Variants in EML6 observed in about 807,000 individuals in gnomAD.
EML6 encodes EMAP like 6.
A neutral mutation model predicts 240.1 loss-of-function variants in EML6; 154 were observed. The observed-to-expected ratio is 0.64, with a 90% CI of 0.56 to 0.73. The LOEUF (loss-of-function observed/expected upper bound fraction) is 0.73, where lower values mean the gene tolerates loss of function less well. Ranked by LOEUF, EML6 falls within the 30% of genes least tolerant of loss-of-function variation. The pLI is 0.00. For synonymous variants in EML6, 1,148 were observed against 899.0 expected (o/e 1.28, Z -4.95); for missense variants, 2,964 against 2,474.6 (o/e 1.20, Z -4.20).
At chr2:54,950,219 G>A (rs1211092026) in intron 29 of EML6, among the ~76,000 whole-genome samples, 1 of 152,206 alleles carries the variant, frequency 6.6e-6, no homozygotes, top group Non-Finnish European at 1.5e-5. Context: ...CATGGCCTTT[G>A]ACTCTATGTT....
intron 15 of EML6, among the ~76,000 whole-genome samples, chr2:54,870,585 T>G (rs1671206283): frequency 6.6e-6 from 1 of 152,252 alleles, no homozygotes; most frequent in Admixed American, 6.5e-5. Flanking sequence ...TAATTGATCA[T>G]TGCTTTGCTT....
chr2:54,883,835 C>T (rs948703799), intron 17 of EML6, among the ~76,000 whole-genome samples: 3 of 152,170 alleles, frequency 2.0e-5, no homozygotes, highest in Non-Finnish European at 4.4e-5. Flanking sequence ...TATATATTGA[C>T]ATTAGCTAAA....
chr2:54,898,143 A>G (rs1415611281), intron 21 of EML6, among the ~76,000 whole-genome samples: 1 of 152,034 alleles, frequency 6.6e-6, no homozygotes. Flanking sequence ...ACAGCTGTTT[A>G]TGATCAGCTT....
At chr2:54,970,050 C>T in intron 41 of EML6, 21 bp from the exon 42 acceptor site, 1 of 1,551,620 alleles carries the variant, frequency 6.4e-7, no homozygotes. Flanking sequence ...TGCAAAATGA[C>T]TGTTTGATCT....
intron 16 of EML6, among the ~76,000 whole-genome samples, chr2:54,872,429 T>C (rs1671303694): frequency 6.6e-6 from 1 of 152,198 alleles, no homozygotes; most frequent in African/African-American, 2.4e-5. Context: ...CTGATTGTTC[T>C]CCCCTGTCCC....
chr2:54,931,647 A>G (rs945587655), intron 28 of EML6, among the ~76,000 whole-genome samples: 1 of 152,204 alleles, frequency 6.6e-6, no homozygotes, highest in Non-Finnish European at 1.5e-5. Context: ...ATACCTGCAG[A>G]TAATTCTGTA....
intron 13 of EML6, among the ~76,000 whole-genome samples, chr2:54,864,108 T>C (rs1178350492): frequency 6.6e-6 from 1 of 152,216 alleles, no homozygotes; most frequent in East Asian, 1.9e-4. Context: ...TTGCAAAGTT[T>C]GAAAACTGAA....
chr2:54,835,415 C>T (rs368654163), intron 7 of EML6, among the ~76,000 whole-genome samples: 2 of 152,106 alleles, frequency 1.3e-5, no homozygotes, highest in East Asian at 1.9e-4. Context: ...TGGAGGAGCG[C>T]AAGTGATGAG....
At chr2:54,750,527 C>T (rs189474817) in intron 2 of EML6, among the ~76,000 whole-genome samples, 1 of 152,284 alleles carries the variant, frequency 6.6e-6, no homozygotes, top group East Asian at 1.9e-4. Context: ...TAGATTGGTG[C>T]TGACATCAGA....
chr2:54,874,718 G>A (rs1671418807), intron 16 of EML6, among the ~76,000 whole-genome samples: 1 of 152,176 alleles, frequency 6.6e-6, no homozygotes, highest in Non-Finnish European at 1.5e-5. Flanking sequence ...TGGGGGTTGG[G>A]GTGAGGGTGT....
chr2:54,868,779 G>C (rs1041036144), intron 14 of EML6: 5 of 162,344 alleles, frequency 3.1e-5, no homozygotes, highest in African/African-American at 9.5e-5. Context: ...GGAAGGGTCT[G>C]TGTCCCGGAG....
intron 28 of EML6, among the ~76,000 whole-genome samples, chr2:54,941,453 G>A (rs185236448): frequency 2.0e-4 from 30 of 152,286 alleles, no homozygotes; most frequent in Admixed American, 9.8e-4. Context: ...CAGCGTAGCC[G>A]GACAGAGGCC....
At position 54,738,549 on chromosome 2, in the gene EML6, A is replaced by G. The variant is rs546002596; in HGVS notation, c.197+13291A>G. Among the ~76,000 whole-genome samples the G allele has an allele frequency of 2.0e-5, 3 of 152,336 alleles. No homozygotes were observed. In the East Asian group the frequency reaches 5.8e-4, roughly 29 times the overall value. ...AATCAATACCATCCATACCACAGACAGCACCTCATGCCCTTTTCCAGTGAC... is the reference window on the plus strand; with the variant it reads ...AATCAATACCATCCATACCACAGACGGCACCTCATGCCCTTTTCCAGTGAC... On this transcript the variant is annotated intron_variant, in intron 2 of 41. Coordinates refer to ENST00000356458, the MANE Select transcript of EML6 (RefSeq NM_001039753.4).
chr2:54,724,737 C>T lies in EML6; in HGVS notation c.-325C>T, dbSNP rs1168270624. On this transcript the variant is annotated 5_prime_UTR_variant, in exon 2 of 42. Transcript: ENST00000356458. The surrounding 1 kb of genome is among the most constrained non-coding windows in gnomAD (Gnocchi z 5.2). The stretch of plus-strand genomic sequence containing the variant: ...TGATGTAAAAGGCGGGGTGGCCCCC[C>T]CGAGAGCCTCTCCCGGGGGCCGGAG... The T allele has an allele frequency of 3.3e-5, 5 of 152,566 alleles. No individual in the cohort carries two copies. Among genetic ancestry groups the T allele is most frequent in the African/African-American group, 1.2e-4 (5 of 41,436 alleles). 9.5% of individuals were successfully genotyped at this position (152,566 alleles called of 1,614,324 possible).
intron 5 of EML6, among the ~76,000 whole-genome samples, chr2:54,823,874 C>G (rs1038832862): frequency 1.4e-5 from 2 of 143,638 alleles, no homozygotes; most frequent in East Asian, 3.9e-4. Context: ...CTCTCTCTCT[C>G]TCTTTCTGTC....
chr2:54,948,405 C>A (rs1490015171), intron 28 of EML6, among the ~76,000 whole-genome samples: 1 of 152,150 alleles, frequency 6.6e-6, no homozygotes, highest in African/African-American at 2.4e-5. Context: ...AGGGCCCTTT[C>A]CGCAGCCTGG....
chr2:54,831,098 GT>G (rs1352666211), intron 7 of EML6, among the ~76,000 whole-genome samples: 1 of 152,148 alleles, frequency 6.6e-6, no homozygotes, highest in Admixed American at 6.5e-5. Context: ...AGCCAAAAAT[GT>G]TTGGTCCTGA....
At chr2:54,823,444 G>T (rs992611499) in intron 5 of EML6, among the ~76,000 whole-genome samples, 2 of 115,576 alleles carry the variant, frequency 1.7e-5, no homozygotes, top group Non-Finnish European at 3.6e-5. Flanking sequence ...CATCACCAAA[G>T]AACCTATTCC....
intron 16 of EML6, among the ~76,000 whole-genome samples, chr2:54,872,851 G>C (rs918578847): frequency 3.9e-5 from 6 of 152,258 alleles, no homozygotes; most frequent in African/African-American, 1.4e-4. Context: ...GAAATAACCT[G>C]TCCTTTTTTG....
Sources: allele counts gnomAD v4.1 joint callset (sites outside exome capture counted in the v4.1 genomes callset), GRCh38; gene constraint gnomAD v4.1.1; non-coding constraint Gnocchi (gnomAD v3.1); transcripts MANE v1.5; gene names NCBI Gene and HGNC (gene_info 2026-07-23, HGNC 2026-07-21).